CYRIB: variants seen among roughly 807,000 people sequenced by gnomAD.
CYRIB encodes CYFIP related Rac1 interactor B, also known as CYFIP-related Rac1 interactor B.
Under a neutral mutation model 44.2 loss-of-function variants are expected in CYRIB, and 8 were observed. That is an observed-to-expected ratio of 0.18 (90% confidence interval 0.11 to 0.33). The LOEUF is 0.33. Among genes scored for constraint, CYRIB ranks in the 10% least tolerant of loss-of-function variants. The pLI is 1.00. For synonymous variants in CYRIB, 131 were observed against 127.2 expected (o/e 1.03, Z -0.20); for missense variants, 185 against 382.8 (o/e 0.48, Z 4.31).
chr8:129,988,185 G>A (rs1220702026), intron 1 of CYRIB, among the ~76,000 whole-genome samples: 2 of 152,180 alleles, frequency 1.3e-5, no homozygotes, highest in Non-Finnish European at 2.9e-5. Flanking sequence ...AAACTGCTAC[G>A]TGATACCCGG....
chr8:129,846,920 T>C (rs988356944), intron 10 of CYRIB, 46 bp from the exon 13 acceptor site: 25 of 1,163,876 alleles, frequency 2.1e-5, no homozygotes, highest in Non-Finnish European at 2.7e-5. Flanking sequence ...ATTTTTTTCA[T>C]GTAACATTCC....
At chr8:129,972,290 C>T (rs1413644195) in intron 1 of CYRIB, among the ~76,000 whole-genome samples, 1 of 152,126 alleles carries the variant, frequency 6.6e-6, no homozygotes, top group Non-Finnish European at 1.5e-5. Context: ...TGCTCAGTGG[C>T]CAAGAAGAGG....
chr8:129,968,226 C>G (rs10092658), intron 2 of CYRIB, among the ~76,000 whole-genome samples: 17 of 152,284 alleles, frequency 1.1e-4, no homozygotes, highest in Non-Finnish European at 1.8e-4. Context: ...TAACTGTCAT[C>G]GTCTCTCAGC....
At chr8:129,896,833 G>A (rs1202886820) in intron 2 of CYRIB, 1 of 152,210 alleles carries the variant, frequency 6.6e-6, no homozygotes, top group Non-Finnish European at 1.5e-5. Flanking sequence ...AGGAAAAGGA[G>A]AAAGCGCAGG....
intron 2 of CYRIB, among the ~76,000 whole-genome samples, chr8:129,964,541 G>A (rs2095399278): frequency 1.3e-5 from 2 of 152,140 alleles, no homozygotes; most frequent in Non-Finnish European, 2.9e-5. Context: ...TCCTCTACCT[G>A]CATGCCACAG....
At chr8:129,868,116 T>C (rs1488213129) in intron 4 of CYRIB, among the ~76,000 whole-genome samples, 1 of 152,234 alleles carries the variant, frequency 6.6e-6, no homozygotes, top group African/African-American at 2.4e-5. Context: ...TATTGACCTA[T>C]GACTCTTGTA....
intron 2 of CYRIB, among the ~76,000 whole-genome samples, chr8:129,902,583 C>T (rs894664391): frequency 6.6e-6 from 1 of 152,132 alleles, no homozygotes; most frequent in Non-Finnish European, 1.5e-5. Context: ...GTGATGCAAT[C>T]TTGGCTCACT....
At chr8:129,988,910 G>C (rs551855702) in intron 1 of CYRIB, among the ~76,000 whole-genome samples, 2 of 152,066 alleles carry the variant, frequency 1.3e-5, no homozygotes, top group Admixed American at 6.6e-5. Flanking sequence ...TCATTGCAAC[G>C]TTGGGAGAGT....
At chr8:130,014,077 G>A (rs909529111) in intron 1 of CYRIB, among the ~76,000 whole-genome samples, 3 of 152,256 alleles carry the variant, frequency 2.0e-5, no homozygotes, top group Non-Finnish European at 4.4e-5. Context: ...CTCTCTCTAA[G>A]TCTCAGGAAA....
intron 1 of CYRIB, among the ~76,000 whole-genome samples, chr8:129,928,471 G>A (rs940835406): frequency 4.6e-5 from 7 of 151,798 alleles, no homozygotes; most frequent in Non-Finnish European, 1.0e-4. Flanking sequence ...AATTAAAAAT[G>A]GGCAAAAAGA....
At chr8:130,000,634 G>C (rs2096887374) in intron 1 of CYRIB, among the ~76,000 whole-genome samples, 1 of 152,156 alleles carries the variant, frequency 6.6e-6, no homozygotes, top group Non-Finnish European at 1.5e-5. Context: ...TGAGGTTGCA[G>C]TGAGCCAAGA....
chr8:129,921,137 A>G (rs756837457), intron 1 of CYRIB, among the ~76,000 whole-genome samples: 5 of 152,198 alleles, frequency 3.3e-5, no homozygotes, highest in African/African-American at 7.2e-5. Context: ...TTACTCAGAC[A>G]TAAGTCTTAT....
chr8:129,925,305 C>G (rs576130130), intron 1 of CYRIB, among the ~76,000 whole-genome samples: 1 of 152,004 alleles, frequency 6.6e-6, no homozygotes, highest in Non-Finnish European at 1.5e-5. Flanking sequence ...GGCTGAGGCA[C>G]GAGAATTGCT....
At chr8:129,887,767 A>G (rs1413021349) in intron 2 of CYRIB, among the ~76,000 whole-genome samples, 1 of 152,238 alleles carries the variant, frequency 6.6e-6, no homozygotes, top group Non-Finnish European at 1.5e-5. Context: ...CTGCCCTGCT[A>G]GGTTTCAGAT....
intron 1 of CYRIB, among the ~76,000 whole-genome samples, chr8:129,988,543 GCTCT>G (rs1225829537): frequency 6.6e-6 from 1 of 152,168 alleles, no homozygotes; most frequent in African/African-American, 2.4e-5. Flanking sequence ...TATACCATAA[GCTCT>G]CTGAGGATGA....
chr8:129,924,273 C>A (rs1323970255), intron 1 of CYRIB, among the ~76,000 whole-genome samples: 4 of 45,232 alleles, frequency 8.8e-5, no homozygotes, highest in Non-Finnish European at 1.1e-4. Context: ...GACCTGCCTC[C>A]AAAAAAAAAA....
intron 4 of CYRIB, 63 bp from the exon 7 acceptor site, chr8:129,862,397 T>A: frequency 8.0e-7 from 1 of 1,253,060 alleles, no homozygotes; most frequent in Non-Finnish European, 1.1e-6. Context: ...ATTTTTACAT[T>A]AAAATGTAGG....
chr8:129,945,156 C>A (rs1026614646), intron 2 of CYRIB, among the ~76,000 whole-genome samples: 6 of 152,176 alleles, frequency 3.9e-5, no homozygotes, highest in African/African-American at 1.4e-4. Flanking sequence ...GTAAAAAATG[C>A]GGAACTATGG....
At chr8:129,882,563 G>T (rs1031868222) in intron 2 of CYRIB, among the ~76,000 whole-genome samples, 6 of 152,120 alleles carry the variant, frequency 3.9e-5, no homozygotes, top group Non-Finnish European at 8.8e-5. Flanking sequence ...CAAGAATATT[G>T]CTGAAATGTC....
Sources: allele counts gnomAD v4.1 joint callset (sites outside exome capture counted in the v4.1 genomes callset), GRCh38; gene constraint gnomAD v4.1.1; transcripts MANE v1.5; gene names NCBI Gene and HGNC (gene_info 2026-07-23, HGNC 2026-07-21).